Variants in PLXNC1 observed in about 807,000 individuals in gnomAD.
PLXNC1 encodes plexin-C1.
A neutral mutation model predicts 178.2 loss-of-function variants in PLXNC1; 75 were observed. That is an observed-to-expected ratio of 0.42 (90% CI 0.35 to 0.51). The LOEUF (loss-of-function observed/expected upper bound fraction) is 0.51, where lower values mean the gene tolerates loss of function less well. PLXNC1 is among the 20% of genes least tolerant of loss of function. The probability of loss-of-function intolerance (pLI) is 0.02; values close to 1 mark genes in which losing one functional copy is unlikely to be tolerated. For synonymous variants in PLXNC1, 790 were observed against 779.9 expected (o/e 1.01, Z -0.22); for missense variants, 1,503 against 1,984.4 (o/e 0.76, Z 4.61).
chr12:94,211,448 A>C (rs1322028350), intron 5 of PLXNC1, among the ~76,000 whole-genome samples: 1 of 152,228 alleles, frequency 6.6e-6, no homozygotes, highest in African/African-American at 2.4e-5. Flanking sequence ...CCTTTGGCTT[A>C]CCTGAAAATC....
In PLXNC1 at chr12:94,226,589, T is replaced by C; in HGVS notation, c.1791-16T>C. On this transcript the variant is annotated splice_polypyrimidine_tract_variant and intron_variant, in intron 7 of 30. Transcript: ENST00000258526. ...TCCTAAAACGCAGGAATTAAGTCAG[T>C]TTTCTGTGTTGCTAGATGCCCAGCA... 2 of 1,587,580 alleles carry C rather than the reference T, an allele frequency of 1.3e-6. No homozygotes were observed. The highest frequency in any genetic ancestry group is 2.2e-5 in the South Asian group (2 of 90,554).
intron 23 of PLXNC1, among the ~76,000 whole-genome samples, chr12:94,287,810 A>G (rs1471271066): frequency 5.9e-5 from 9 of 152,226 alleles, no homozygotes; most frequent in Non-Finnish European, 1.5e-5. Flanking sequence ...ATGTCTTTAG[A>G]TATTCATTTA....
intron 4 of PLXNC1, among the ~76,000 whole-genome samples, chr12:94,196,819 C>A (rs1592754454): frequency 1.3e-5 from 2 of 152,186 alleles, no homozygotes; most frequent in Admixed American, 6.5e-5. Flanking sequence ...CCTCCTGGTA[C>A]CCCATGAAGA....
intron 2 of PLXNC1, among the ~76,000 whole-genome samples, chr12:94,173,089 C>T (rs1229722447): frequency 6.6e-6 from 1 of 152,164 alleles, no homozygotes; most frequent in Non-Finnish European, 1.5e-5. Flanking sequence ...CTTTTCGGAA[C>T]ATGATTGCAT....
At chr12:94,177,531 A>AGAAAGAAAG (rs1962144782) in intron 2 of PLXNC1, among the ~76,000 whole-genome samples, 2 of 150,262 alleles carry the variant, frequency 1.3e-5, no homozygotes, top group African/African-American at 4.9e-5. Flanking sequence ...GAGAGGGAGA[A>AGAAAGAAAG]AGAAAGAAAG....
intron 9 of PLXNC1, among the ~76,000 whole-genome samples, chr12:94,230,081 C>T (rs1225460609): frequency 1.3e-5 from 2 of 152,176 alleles, no homozygotes; most frequent in East Asian, 1.9e-4. Flanking sequence ...CTTTCACAGT[C>T]GCATCCATTT....
intron 11 of PLXNC1, among the ~76,000 whole-genome samples, chr12:94,242,953 C>A (rs78279795): frequency 0.022 from 3,314 of 152,296 alleles, 51 homozygotes; most frequent in Non-Finnish European, 0.033. Flanking sequence ...TAAGAGGCTC[C>A]CTACTGTTCT....
At chr12:94,211,864 A>G (rs1963478014) in intron 5 of PLXNC1, among the ~76,000 whole-genome samples, 1 of 152,274 alleles carries the variant, frequency 6.6e-6, no homozygotes, top group South Asian at 2.1e-4. Flanking sequence ...ATATGTCTCT[A>G]TATGATTATT....
intron 23 of PLXNC1, among the ~76,000 whole-genome samples, chr12:94,291,970 A>G (rs572794204): frequency 1.3e-5 from 2 of 152,260 alleles, no homozygotes; most frequent in African/African-American, 2.4e-5. Context: ...CTTCATATCA[A>G]TAGGACCATA....
intron 12 of PLXNC1, among the ~76,000 whole-genome samples, chr12:94,246,423 G>A (rs937778950): frequency 1.3e-5 from 2 of 152,142 alleles, no homozygotes; most frequent in African/African-American, 4.8e-5. Flanking sequence ...TGAAGGGAGA[G>A]TGGGGGTGAC....
chr12:94,166,524 GTATTATTATTATTAT>G (rs55733946), intron 1 of PLXNC1, among the ~76,000 whole-genome samples: 1,622 of 144,078 alleles, frequency 0.011, 24 homozygotes, highest in Middle Eastern at 0.04. Context: ...ATGTTAGCTG[GTATTATTATTATTAT>G]TATTATTATT....
At chr12:94,201,466 G>A (rs1592759023) in intron 4 of PLXNC1, among the ~76,000 whole-genome samples, 2 of 152,022 alleles carry the variant, frequency 1.3e-5, no homozygotes, top group South Asian at 4.1e-4. Context: ...ATTTATTGAG[G>A]CATAATTGTA....
chr12:94,290,247 G>C (rs962914213), intron 23 of PLXNC1, among the ~76,000 whole-genome samples: 1 of 152,200 alleles, frequency 6.6e-6, no homozygotes. Context: ...CTCTTCGTGG[G>C]GAGGAATTTT....
chr12:94,248,795 G>A (rs971435739), intron 14 of PLXNC1, among the ~76,000 whole-genome samples: 4 of 152,106 alleles, frequency 2.6e-5, no homozygotes, highest in African/African-American at 9.7e-5. Context: ...ACAAACAAGG[G>A]CCTCTTCAGC....
chr12:94,179,712 GT>G (rs1423674371), intron 2 of PLXNC1, among the ~76,000 whole-genome samples: 13 of 136,900 alleles, frequency 9.5e-5, no homozygotes, highest in African/African-American at 3.6e-4. Flanking sequence ...CTGCACTCCA[GT>G]CTGGGCGACT....
Position 94,305,335 on chromosome 12 carries a change from A to G in PLXNC1, c.*50A>G, listed in dbSNP as rs1293661776. 8 of 1,091,258 alleles carry G rather than the reference A, an allele frequency of 7.3e-6. No individual in the cohort carries two copies. The highest frequency in any genetic ancestry group is 1.1e-5 in the Non-Finnish European group (8 of 723,602). The allele number at this position is 1,091,258 out of a possible 1,614,324, so 67.6% of individuals were successfully genotyped here. A position where few individuals can be genotyped will look rare whatever the true frequency, so the allele number is the denominator to read the frequency against. ...GGCAAAGTTCTTCAGACGACTTGGG[A>G]GCAAAATGGCTGCTTGAGCTACTCT... is the stretch of plus-strand genomic sequence containing the variant. On this transcript the variant is annotated 3_prime_UTR_variant, in exon 31 of 31. Transcript: ENST00000258526.
intron 22 of PLXNC1, among the ~76,000 whole-genome samples, chr12:94,280,839 T>C (rs1966387288): frequency 6.6e-6 from 1 of 152,116 alleles, no homozygotes; most frequent in South Asian, 2.1e-4. Context: ...TTTCCTGAGT[T>C]TGGGTGTCCC....
intron 21 of PLXNC1, chr12:94,277,623 T>C: frequency 3.5e-6 from 1 of 284,988 alleles, no homozygotes; most frequent in Non-Finnish European, 6.8e-6. Context: ...AAGCCAGGAG[T>C]CTACTGGCTT....
At chr12:94,215,492 T>C (rs1215134241) in intron 5 of PLXNC1, among the ~76,000 whole-genome samples, 2 of 151,100 alleles carry the variant, frequency 1.3e-5, no homozygotes, top group African/African-American at 4.9e-5. Flanking sequence ...ATCCAAAACA[T>C]ATTTTGGAAA....
Sources: gnomAD v4.1 joint callset for allele counts (sites outside exome capture counted in the v4.1 genomes callset) on GRCh38, gnomAD v4.1.1 for gene constraint, MANE v1.5 for transcripts, NCBI Gene and HGNC (gene_info 2026-07-23, HGNC 2026-07-21) for gene names.